The following SCFD2 variants were observed in gnomAD, a reference collection of about 807,000 sequenced individuals.
SCFD2 encodes sec1 family domain containing 2, also known as sec1 family domain-containing protein 2.
SCFD2 carries 54 observed loss-of-function variants against 58.9 expected under a neutral mutation model. That is an observed-to-expected ratio of 0.92 (90% CI 0.74 to 1.15). The LOEUF (loss-of-function observed/expected upper bound fraction) is 1.15, where lower values mean the gene tolerates loss of function less well. Ranked by LOEUF, SCFD2 falls within the 50% of genes most tolerant of loss-of-function variation. The pLI is 0.00. For missense variants in SCFD2, 805 were observed against 836.6 expected, an observed-to-expected ratio of 0.96 and a Z score of 0.47; for synonymous variants, 321 against 335.9, an observed-to-expected ratio of 0.96 and a Z score of 0.49.
chr4:53,115,309 A>G (rs1193720416), intron 5 of SCFD2, among the ~76,000 whole-genome samples: 1 of 152,152 alleles, frequency 6.6e-6, no homozygotes, highest in African/African-American at 2.4e-5. Flanking sequence ...CTGAAAGAAC[A>G]TGATAAGATT....
At chr4:53,178,161 G>C (rs1313089683) in intron 4 of SCFD2, among the ~76,000 whole-genome samples, 2 of 152,180 alleles carry the variant, frequency 1.3e-5, no homozygotes, top group South Asian at 2.1e-4. Context: ...AAAGAGAGTA[G>C]TGGTTCTCCC....
chr4:53,315,471 G>C (rs1460484206), intron 2 of SCFD2, among the ~76,000 whole-genome samples: 1 of 152,114 alleles, frequency 6.6e-6, no homozygotes, highest in East Asian at 1.9e-4. Flanking sequence ...TGTCAACTTT[G>C]ATATGTAGGT....
intron 4 of SCFD2, among the ~76,000 whole-genome samples, chr4:53,247,524 T>C (rs1251210316): frequency 6.6e-6 from 1 of 151,916 alleles, no homozygotes; most frequent in Non-Finnish European, 1.5e-5. Flanking sequence ...ATAAAGAAAA[T>C]GTGATACATA....
rs1560353881 is a variant in SCFD2 at position 53,140,410 on chromosome 4, T to TATATATATATATATATATATAA, written c.1561+4922_1561+4923insTTATATATATATATATATATAT. 1.6e-3 allele frequency among the ~76,000 whole-genome samples: 224 copies of TATATATATATATATATATATAA among 142,720 alleles called. 4 individuals carry two copies. Among genetic ancestry groups the TATATATATATATATATATATAA allele is most frequent in the African/African-American group, 5.6e-3 (214 of 38,238 alleles). 93.6% of individuals were successfully genotyped at this position (142,720 alleles called of 152,430 possible). On this transcript the variant is annotated intron_variant, in intron 5 of 8. Coordinates refer to ENST00000401642, the MANE Select transcript of SCFD2 (RefSeq NM_152540.4). ...AAATGCTAATATATATATATATATA[T>TATATATATATATATATATATAA]ATAAATTTTAATCCACAGGGCAATC...
At chr4:53,297,470 T>TTTTG (rs959775318) in intron 3 of SCFD2, among the ~76,000 whole-genome samples, 11 of 152,206 alleles carry the variant, frequency 7.2e-5, no homozygotes, top group East Asian at 1.9e-4. Flanking sequence ...TTGGTTTTTT[T>TTTTG]TTTGTTTGTT....
chr4:53,119,064 T>A (rs901252567), intron 5 of SCFD2, among the ~76,000 whole-genome samples: 1 of 152,156 alleles, frequency 6.6e-6, no homozygotes, highest in Non-Finnish European at 1.5e-5. Flanking sequence ...ATGCCTGTAA[T>A]CCCAGCACAT....
chr4:53,204,508 C>T (rs944793719), intron 4 of SCFD2, among the ~76,000 whole-genome samples: 3 of 150,448 alleles, frequency 2.0e-5, no homozygotes, highest in Admixed American at 2.0e-4. Flanking sequence ...TTGAGACTAT[C>T]TCCCAGAGGA....
intron 5 of SCFD2, among the ~76,000 whole-genome samples, chr4:53,065,931 C>G (rs978677827): frequency 6.6e-6 from 1 of 152,046 alleles, no homozygotes; most frequent in Non-Finnish European, 1.5e-5. Flanking sequence ...ATACCACATG[C>G]TTTTCATCCA....
intron 4 of SCFD2, among the ~76,000 whole-genome samples, chr4:53,172,432 GTTGT>G (rs754350694): frequency 1.3e-5 from 2 of 152,088 alleles, no homozygotes; most frequent in Non-Finnish European, 2.9e-5. Context: ...AAAACATTAG[GTTGT>G]TTATTTCAGA....
intron 6 of SCFD2, 91 bp downstream of exon 6, chr4:52,920,634 A>G: frequency 1.1e-6 from 1 of 895,808 alleles, no homozygotes; most frequent in Non-Finnish European, 1.6e-6. Context: ...CTTTGGTTTT[A>G]GGAAGGTTAA....
chr4:52,886,634 A>T (rs2898680), intron 7 of SCFD2, among the ~76,000 whole-genome samples: 137,642 of 152,254 alleles, frequency 0.9, 62,448 homozygotes, highest in East Asian at 1. Context: ...GCTGTGGAGG[A>T]CCCTGGTTGG....
Position 53,229,267 on chromosome 4 carries a change from C to T in SCFD2, c.1311+44559G>A, listed in dbSNP as rs1269089459. Among the ~76,000 whole-genome samples, 5 of 152,298 alleles carry T rather than the reference C, an allele frequency of 3.3e-5. No individual in the cohort carries two copies. In the East Asian group the frequency reaches 9.7e-4, roughly 29 times the overall value. ...ACTTTCTACACAGAATTGGAAAAAA[C>T]TACTTTAAAGTTCATATGGAACCAA... On this transcript the variant is annotated intron_variant, in intron 4 of 8. Transcript: ENST00000401642.
At chr4:53,037,487 T>C (rs998529289) in intron 5 of SCFD2, among the ~76,000 whole-genome samples, 1 of 152,042 alleles carries the variant, frequency 6.6e-6, no homozygotes, top group African/African-American at 2.4e-5. Flanking sequence ...AAGACATGCA[T>C]GTATTTTCCC....
chr4:52,930,099 A>C (rs1719954438), intron 5 of SCFD2, among the ~76,000 whole-genome samples: 1 of 152,204 alleles, frequency 6.6e-6, no homozygotes, highest in Non-Finnish European at 1.5e-5. Context: ...ACCTGACTTC[A>C]AACTATACTA....
chr4:53,229,853 A>C (rs190361080), intron 4 of SCFD2, among the ~76,000 whole-genome samples: 2,645 of 152,308 alleles, frequency 0.017, 34 homozygotes, highest in Middle Eastern at 0.058. Flanking sequence ...AATGGGAGAA[A>C]ATTTTTGCAA....
rs1734257202 is a variant in SCFD2, at chr4:53,352,606, T to C, written c.999A>G (p.Ser333=). The change falls in exon 2 of 9, where the codon TCA becomes TCG. Residue 333 remains serine, a synonymous_variant. Transcript: ENST00000401642. The part of the protein sequence containing the change: ...NYNVVAPGCL[S]QSSDTTAKAL... ...AAAACTATATATCTTACCTGGATTG[T>C]GAAAGACAGCCTGGTGCAACCACAT... 1.2e-6 allele frequency: 2 copies of C among 1,612,696 alleles called. No individual in the cohort carries two copies. The highest frequency in any genetic ancestry group is 2.7e-5 in the African/African-American group (2 of 74,894).
At position 53,269,845 on chromosome 4, in the gene SCFD2, C is replaced by T. The variant is rs114153189; in HGVS notation, c.1311+3981G>A. ...TTCGAGACCAGCATGGCCAACATGG[C>T]GAAATCCTATCTCTACAAAAAAATA... On this transcript the variant is annotated intron_variant, in intron 4 of 8. Coordinates refer to ENST00000401642, the MANE Select transcript of SCFD2 (RefSeq NM_152540.4). Among the ~76,000 whole-genome samples, 420 of 152,180 alleles carry T rather than the reference C, an allele frequency of 2.8e-3. 1 individual carries two copies. Among genetic ancestry groups the T allele is most frequent in the African/African-American group, 9.6e-3 (399 of 41,540 alleles).
chr4:53,120,128 C>T (rs967784538), intron 5 of SCFD2, among the ~76,000 whole-genome samples: 2 of 152,040 alleles, frequency 1.3e-5, no homozygotes, highest in African/African-American at 2.4e-5. Flanking sequence ...AAGTAATAAA[C>T]GCATTTGACG....
At chr4:53,301,955 AATAAT>A (rs1732320157) in intron 3 of SCFD2, among the ~76,000 whole-genome samples, 1 of 152,184 alleles carries the variant, frequency 6.6e-6, no homozygotes, top group Non-Finnish European at 1.5e-5. Flanking sequence ...CGTATCTCAA[AATAAT>A]AAGAGCTATC....
Sources: allele counts gnomAD v4.1 joint callset (sites outside exome capture counted in the v4.1 genomes callset), GRCh38; gene constraint gnomAD v4.1.1; transcripts MANE v1.5; gene names NCBI Gene and HGNC (gene_info 2026-07-23, HGNC 2026-07-21).